HECW2: variants seen among roughly 807,000 people sequenced by gnomAD.
The protein encoded by HECW2 is HECT, C2 and WW domain containing E3 ubiquitin protein ligase 2.
HECW2 carries 61 observed loss-of-function variants against 175.2 expected under a neutral mutation model. That is an observed-to-expected ratio of 0.35 (90% CI 0.28 to 0.43). The LOEUF (loss-of-function observed/expected upper bound fraction) is 0.43. Among genes scored for constraint, HECW2 ranks in the 20% least tolerant of loss-of-function variants. HECW2 has a pLI of 1.00. For missense variants in HECW2, 1,524 were observed against 2,000.5 expected (o/e 0.76, Z 4.54); for synonymous variants, 671 against 731.0 (o/e 0.92, Z 1.32).
In HECW2 at chr2:196,290,690, C is replaced by G. The variant is rs575783034; in HGVS notation, c.3000+1875G>C. 5.9e-5 allele frequency: 9 copies of G among 152,302 alleles called. No homozygotes were observed. The East Asian group carries it at 1.5e-3, about 26-fold the overall frequency. The allele number at this position is 152,302 out of a possible 1,614,324, so 9.4% of individuals were successfully genotyped here. On this transcript the variant is annotated intron_variant, in intron 14 of 28. Coordinates refer to ENST00000644978, the MANE Select transcript of HECW2 (RefSeq NM_001348768.2). ...GTATTTTTCAAAGTCCTTACTTGGA[C>G]CATCTGTGCCCTTCCATCCAATGGA...
At chr2:196,333,557 A>G (rs1250578913) in intron 4 of HECW2, among the ~76,000 whole-genome samples, 1 of 151,890 alleles carries the variant, frequency 6.6e-6, no homozygotes, top group East Asian at 1.9e-4. Context: ...TCTATGTCAT[A>G]GGAGTCAGTA....
intron 28 of HECW2, 48 bp downstream of exon 28, chr2:196,215,817 T>C (rs757448581): frequency 7.7e-7 from 1 of 1,299,278 alleles, no homozygotes; most frequent in Non-Finnish European, 1.1e-6. Flanking sequence ...TAAATGAATG[T>C]CTCCACCAAA....
chr2:196,320,520 T>C (rs904658577), intron 7 of HECW2, 81 bp from the exon 8 acceptor site: 1 of 768,290 alleles, frequency 1.3e-6, no homozygotes, highest in Admixed American at 2.1e-5. Context: ...ACCCACCAAA[T>C]CCCTCCTATC....
chr2:196,438,005 T>C (rs1413448818), intron 1 of HECW2, among the ~76,000 whole-genome samples: 2 of 151,964 alleles, frequency 1.3e-5, no homozygotes, highest in Non-Finnish European at 2.9e-5. Context: ...TGAGACAGAG[T>C]TGGGTTTGTT....
chr2:196,307,179 ATTGGTATT>A lies in HECW2; in HGVS notation c.2632_2639del (p.Asn878CysfsTer3). 6.2e-7 allele frequency: 1 copy of A among 1,614,028 alleles called. No homozygotes were observed. The highest frequency in any genetic ancestry group is 8.5e-7 in the Non-Finnish European group (1 of 1,179,918). On this transcript the variant is annotated frameshift_variant, in exon 12 of 29. Coordinates refer to ENST00000644978, the MANE Select transcript of HECW2 (RefSeq NM_001348768.2). LOFTEE classifies it high-confidence loss of function. The stretch of plus-strand genomic sequence containing the variant: ...CTTCCTCCCCTGCCCCATCAATAGC[ATTGGTATT>A]TTCCTCAGGCCTCTCATTGGTCATG...
At chr2:196,361,074 T>TA (rs1559067165) in intron 2 of HECW2, among the ~76,000 whole-genome samples, 1 of 152,134 alleles carries the variant, frequency 6.6e-6, no homozygotes, top group Admixed American at 6.5e-5. Context: ...AGCCAAAAAG[T>TA]AAAAAATTTC....
intron 2 of HECW2, among the ~76,000 whole-genome samples, chr2:196,350,997 C>T (rs766975642): frequency 9.2e-5 from 14 of 152,112 alleles, no homozygotes; most frequent in Non-Finnish European, 1.6e-4. Context: ...CTTTACCTTC[C>T]ACAGTTCACA....
chr2:196,318,678 GC>G lies in HECW2; in HGVS notation c.2211del (p.Trp737CysfsTer93). 1.3e-6 allele frequency: 2 copies of G among 1,597,156 alleles called. No individual in the cohort carries two copies. The highest frequency in any genetic ancestry group is 1.1e-5 in the South Asian group (1 of 88,476). ...GCTCCCTCCAGGCTCCCCCTCCGCT[GC>G]CAGACCTCCCCCAGCTCCTCCTGGT... Reference protein sequence around the residue: ...VPDQEELGEVWQRRGSLEGAA... With the variant: ...VPDQEELGEVXQRRGSLEGAA... On this transcript the variant is annotated frameshift_variant, in exon 9 of 29. Transcript: ENST00000644978. LOFTEE classifies it high-confidence loss of function.
chr2:196,352,953 T>C (rs945420949), intron 2 of HECW2, among the ~76,000 whole-genome samples: 1 of 152,254 alleles, frequency 6.6e-6, no homozygotes, highest in Non-Finnish European at 1.5e-5. Context: ...CACTGGCATA[T>C]AGAAACATGT....
chr2:196,454,914 T>A (rs1322214994), intron 1 of HECW2, among the ~76,000 whole-genome samples: 1 of 152,244 alleles, frequency 6.6e-6, no homozygotes, highest in East Asian at 1.9e-4. Flanking sequence ...AATAAACACT[T>A]AATAAGTGTG....
chr2:196,452,836 G>T (rs1345328001), intron 1 of HECW2, among the ~76,000 whole-genome samples: 1 of 151,190 alleles, frequency 6.6e-6, no homozygotes, highest in Non-Finnish European at 1.5e-5. Context: ...ATGTAGCCTG[G>T]TATATTTCCA....
chr2:196,377,585 C>T (rs1694087798), intron 2 of HECW2, among the ~76,000 whole-genome samples: 1 of 152,190 alleles, frequency 6.6e-6, no homozygotes, highest in African/African-American at 2.4e-5. Context: ...GACCCACCTC[C>T]ACGATTCACT....
intron 28 of HECW2, among the ~76,000 whole-genome samples, chr2:196,204,960 C>G (rs1202772636): frequency 1.3e-5 from 2 of 152,248 alleles, no homozygotes; most frequent in Non-Finnish European, 2.9e-5. Flanking sequence ...AATCCACAAG[C>G]CTAAATACTC....
At chr2:196,393,938 T>C (rs1694586854) in intron 2 of HECW2, among the ~76,000 whole-genome samples, 1 of 152,048 alleles carries the variant, frequency 6.6e-6, no homozygotes, top group East Asian at 1.9e-4. Flanking sequence ...ATTAAGAAAA[T>C]GTGGCACCTA....
At chr2:196,214,670 TG>T (rs1215791960) in intron 28 of HECW2, among the ~76,000 whole-genome samples, 1 of 152,222 alleles carries the variant, frequency 6.6e-6, no homozygotes, top group Non-Finnish European at 1.5e-5. Flanking sequence ...GTGATGCGTG[TG>T]GGGTGGCCAA....
Position 196,286,527 on chromosome 2 carries a change from C to T in HECW2, c.3000+6038G>A, listed in dbSNP as rs369866137. On this transcript the variant is annotated intron_variant, in intron 14 of 28. Transcript: ENST00000644978. ...TTACTCAGAAATTTATTCATAAAAC[C>T]GATCTCTGCTCTATTTTCTCATTCA... Among the ~76,000 whole-genome samples the T allele has an allele frequency of 7.2e-5, 11 of 152,072 alleles. No homozygotes were observed. The East Asian group carries it at 1.5e-3, about 21-fold the overall frequency.
At chr2:196,246,448 C>T (rs182805256) in intron 19 of HECW2, among the ~76,000 whole-genome samples, 62 of 152,192 alleles carry the variant, frequency 4.1e-4, no homozygotes, top group African/African-American at 1.3e-3. Flanking sequence ...TGCAGTGGCA[C>T]GATCTCGGGC....
chr2:196,579,815 A>G (rs1690704747), intron 1 of HECW2, among the ~76,000 whole-genome samples: 1 of 152,180 alleles, frequency 6.6e-6, no homozygotes, highest in Non-Finnish European at 1.5e-5. Context: ...GAAAGCCTAT[A>G]TGAGAACACA....
chr2:196,317,335 T>C lies in HECW2; in HGVS notation c.2373A>G (p.Ser791=), dbSNP rs1372630067. Residue 791 remains serine (S), a synonymous_variant, in exon 10 of 29, where the codon TCA becomes TCG. Coordinates refer to ENST00000644978, the MANE Select transcript of HECW2 (RefSeq NM_001348768.2). ...SQANGHQPLR[S]LPSVRQDVSR... ...TAACATCCTGGCGCACTGAAGGTAG[T>C]GATCGCAGTGGCTGGTGGCCGTTGG... 3.1e-6 allele frequency: 5 copies of C among 1,613,608 alleles called. No homozygotes were observed. The highest frequency in any genetic ancestry group is 1.6e-4 in the Middle Eastern group (1 of 6,062).
Sources: gnomAD v4.1 joint callset for allele counts (sites outside exome capture counted in the v4.1 genomes callset) on GRCh38, gnomAD v4.1.1 for gene constraint, MANE v1.5 for transcripts, NCBI Gene and HGNC (gene_info 2026-07-23, HGNC 2026-07-21) for gene names.